The following TRPV4 variants were observed in gnomAD, a reference collection of about 807,000 sequenced individuals.
TRPV4 encodes transient receptor potential cation channel subfamily V member 4, also known as OSM9-like transient receptor potential channel 4.
TRPV4 carries 58 observed loss-of-function variants against 84.1 expected under a neutral mutation model. The observed-to-expected ratio is 0.69, with a 90% confidence interval of 0.56 to 0.86. The LOEUF (loss-of-function observed/expected upper bound fraction) is 0.86, where lower values mean the gene tolerates loss of function less well. TRPV4 is among the 40% of genes least tolerant of loss of function. TRPV4 has a pLI of 0.00. For synonymous variants in TRPV4, 489 were observed against 500.9 expected (o/e 0.98, Z 0.32); for missense variants, 879 against 1,181.1 (o/e 0.74, Z 3.75).
rs556232641 is a variant in TRPV4 at position 109,788,335 on chromosome 12, G to A, written c.2208+65C>T. 184 of 1,505,262 alleles carry A rather than the reference G, an allele frequency of 1.2e-4. 2 individuals are homozygous for A. In the South Asian group the frequency reaches 1.7e-3, roughly 14 times the overall value. The allele number at this position is 1,505,262 out of a possible 1,614,324, so 93.2% of individuals were successfully genotyped here. A position where few individuals can be genotyped will look rare whatever the true frequency, so the allele number is the denominator to read the frequency against. ...GAGTGGAAGGCCGAGGAAGCCAGTC[G>A]GGTGGGTCTCCTCGGAAGGACGAGG... On this transcript the variant is annotated intron_variant, in intron 13 of 15. Transcript: ENST00000261740.
At position 109,833,381 on chromosome 12, in the gene TRPV4, G is replaced by C. The variant is rs1344974534; in HGVS notation, c.-63C>G. ...GACGGCTGGGCGCCGGCGGCCGGGA[G>C]ATCCGCGCTTCCTGAATCCCGGCCG... On this transcript the variant is annotated 5_prime_UTR_variant, in exon 1 of 16. In the 5' UTR this introduces an upstream ATG that the reference lacks. Transcript: ENST00000261740. 6.6e-6 allele frequency: 1 copy of C among 152,100 alleles called. No homozygotes were observed. The highest frequency in any genetic ancestry group is 1.5e-5 in the Non-Finnish European group (1 of 68,066). The allele number at this position is 152,100 out of a possible 1,614,324, so 9.4% of individuals were successfully genotyped here.
At chr12:109,807,596 G>C (rs1296106966) in intron 3 of TRPV4, among the ~76,000 whole-genome samples, 4 of 152,122 alleles carry the variant, frequency 2.6e-5, no homozygotes, top group Admixed American at 2.6e-4. Context: ...ATCACGGCCA[G>C]TTTAATAATG....
intron 1 of TRPV4, among the ~76,000 whole-genome samples, chr12:109,830,909 T>C (rs1318684386): frequency 6.6e-6 from 1 of 152,224 alleles, no homozygotes; most frequent in East Asian, 1.9e-4. Context: ...GTGTGTTTCC[T>C]TCCCTCCTAC....
At chr12:109,808,226 G>A (rs1891262643) in intron 3 of TRPV4, 70 bp downstream of exon 3, 2 of 1,582,310 alleles carry the variant, frequency 1.3e-6, no homozygotes, top group Admixed American at 3.5e-5. Context: ...AGGGGAAAGG[G>A]GGCCCCCAAT....
At chr12:109,821,009 G>A (rs1301710481) in intron 1 of TRPV4, among the ~76,000 whole-genome samples, 1 of 152,214 alleles carries the variant, frequency 6.6e-6, no homozygotes, top group Non-Finnish European at 1.5e-5. Flanking sequence ...ACTTGCGGAG[G>A]GTGGAAAAAG....
intron 12 of TRPV4, among the ~76,000 whole-genome samples, chr12:109,790,106 C>T (rs1255136962): frequency 6.6e-6 from 1 of 152,178 alleles, no homozygotes; most frequent in Non-Finnish European, 1.5e-5. Context: ...CAGTGTGATC[C>T]CTGGGAAGGG....
intron 3 of TRPV4, 114 bp from the exon 4 acceptor site, chr12:109,803,257 TC>T (rs1890926746): frequency 7.9e-7 from 1 of 1,265,836 alleles, no homozygotes; most frequent in Non-Finnish European, 1.1e-6. Context: ...TGTCAACATC[TC>T]CTCTCCAAGC....
chr12:109,826,279 C>G (rs137886172), intron 1 of TRPV4, among the ~76,000 whole-genome samples: 1 of 152,226 alleles, frequency 6.6e-6, no homozygotes, highest in Non-Finnish European at 1.5e-5. Flanking sequence ...ACACCTTGGC[C>G]TCCCAAAGTG....
chr12:109,793,336 C>T lies in TRPV4; in HGVS notation c.1658+191G>A, dbSNP rs190441169. On this transcript the variant is annotated intron_variant, in intron 10 of 15. Coordinates refer to ENST00000261740, the MANE Select transcript of TRPV4 (RefSeq NM_021625.5). The surrounding 1 kb of genome is among the most constrained non-coding windows in gnomAD (Gnocchi z 4.0). ...TATCCATGTTGTATATGATAACTCC[C>T]TAGCAATCAGAATTTTTCTTGAACC... 3 of 634,614 alleles carry T rather than the reference C, an allele frequency of 4.7e-6. No individual in the cohort carries two copies. Among genetic ancestry groups the T allele is most frequent in the Admixed American group, 2.6e-5 (1 of 38,700 alleles). The allele number at this position is 634,614 out of a possible 1,614,324, so 39.3% of individuals were successfully genotyped here. A position where few individuals can be genotyped will look rare whatever the true frequency, so the allele number is the denominator to read the frequency against.
At chr12:109,813,613 C>A (rs749141448) in intron 2 of TRPV4, among the ~76,000 whole-genome samples, 5 of 151,794 alleles carry the variant, frequency 3.3e-5, no homozygotes, top group Non-Finnish European at 7.4e-5. Flanking sequence ...GATGAACAGA[C>A]AAATGTCCTA....
chr12:109,786,593 T>C lies in TRPV4; in HGVS notation c.2336+117A>G. ...TGGAAATGAACTCTGCTCGGGCCTC[T>C]TGGGGCCTCAGTGGCTCCAGAAATT... On this transcript the variant is annotated intron_variant, in intron 14 of 15. Coordinates refer to ENST00000261740, the MANE Select transcript of TRPV4 (RefSeq NM_021625.5). This position sits in a 1 kb window ranked among gnomAD's most constrained non-coding sequence, Gnocchi z 4.5. 7.2e-7 allele frequency: 1 copy of C among 1,391,424 alleles called. No homozygotes were observed. The highest frequency in any genetic ancestry group is 1.4e-5 in the African/African-American group (1 of 70,174). 86.2% of individuals were successfully genotyped at this position (1,391,424 alleles called of 1,614,324 possible). A position where few individuals can be genotyped will look rare whatever the true frequency, so the allele number is the denominator to read the frequency against.
At chr12:109,797,282 G>T (rs1012368237) in intron 6 of TRPV4, among the ~76,000 whole-genome samples, 13 of 152,100 alleles carry the variant, frequency 8.5e-5, no homozygotes, top group African/African-American at 2.9e-4. Flanking sequence ...CTCCTGAGTA[G>T]CTGGGATTAC....
At chr12:109,800,011 C>T (rs1174986614) in intron 5 of TRPV4, among the ~76,000 whole-genome samples, 2 of 151,954 alleles carry the variant, frequency 1.3e-5, no homozygotes, top group Non-Finnish European at 2.9e-5. Flanking sequence ...GGGGAAATCT[C>T]GGCTCATTGC....
intron 3 of TRPV4, among the ~76,000 whole-genome samples, chr12:109,803,829 T>A (rs1890956616): frequency 6.6e-6 from 1 of 152,182 alleles, no homozygotes; most frequent in African/African-American, 2.4e-5. Flanking sequence ...ACAAAGCCAA[T>A]CATAATTCCT....
intron 3 of TRPV4, among the ~76,000 whole-genome samples, chr12:109,808,065 C>T (rs1891253047): frequency 6.6e-6 from 1 of 152,198 alleles, no homozygotes; most frequent in African/African-American, 2.4e-5. Context: ...CCTTTTCATA[C>T]ATAAGGGCTG....
In TRPV4 at chr12:109,794,464, C is replaced by T. The variant is rs1592831414; in HGVS notation, c.1356G>A (p.Val452=). 1 of 1,613,958 alleles carries T rather than the reference C, an allele frequency of 6.2e-7. No homozygotes were observed. The highest frequency in any genetic ancestry group is 2.2e-5 in the East Asian group (1 of 44,844). ...KIENRHEMLA[V]EPINELLRDK... The stretch of plus-strand genomic sequence containing the variant: ...CCCGCAGCAGTTCATTGATGGGCTC[C>T]ACAGCCAGCATCTCGTGGCGGTTCT... Residue 452 remains valine, a synonymous_variant, in exon 8 of 16, where the codon GTG becomes GTA. Transcript: ENST00000261740.
intron 3 of TRPV4, among the ~76,000 whole-genome samples, chr12:109,807,142 G>A (rs191752771): frequency 6.6e-6 from 1 of 151,954 alleles, no homozygotes; most frequent in East Asian, 2.0e-4. Context: ...CGGGCGTGGT[G>A]GCGCATGCCT....
chr12:109,796,836 T>C lies in TRPV4; in HGVS notation c.1153-132A>G. On this transcript the variant is annotated intron_variant, in intron 6 of 15. Transcript: ENST00000261740. This position sits in a 1 kb window ranked among gnomAD's most constrained non-coding sequence, Gnocchi z 4.2. The stretch of plus-strand genomic sequence containing the variant: ...GCTGGAGGACCCTTTCCTCATCTTG[T>C]TTAATTCTTGCTCTTATTATCTTGG... 1 of 921,834 alleles carries C rather than the reference T, an allele frequency of 1.1e-6. No individual in the cohort carries two copies. Among genetic ancestry groups the C allele is most frequent in the Non-Finnish European group, 1.6e-6 (1 of 634,060 alleles). 57.1% of individuals were successfully genotyped at this position (921,834 alleles called of 1,614,324 possible).
intron 14 of TRPV4, among the ~76,000 whole-genome samples, chr12:109,784,814 CT>C (rs1375886880): frequency 7.8e-6 from 1 of 128,554 alleles, no homozygotes; most frequent in East Asian, 2.4e-4. Context: ...GCACTCCAAC[CT>C]GGGGGACAAA....
Sources: gnomAD v4.1 joint callset for allele counts (sites outside exome capture counted in the v4.1 genomes callset) on GRCh38, gnomAD v4.1.1 for gene constraint, Gnocchi (gnomAD v3.1) non-coding constraint, MANE v1.5 for transcripts, NCBI Gene and HGNC (gene_info 2026-07-23, HGNC 2026-07-21) for gene names.